The following FARP1 variants were observed in gnomAD, a reference collection of about 807,000 sequenced individuals.
The protein encoded by FARP1 is FERM, ARHGEF and pleckstrin domain-containing protein 1.
In FARP1, 52 loss-of-function variants were observed where a neutral mutation model predicts 128.8. The observed-to-expected ratio is 0.40, with a 90% CI of 0.32 to 0.51. The LOEUF is 0.51. FARP1 is among the 20% of genes least tolerant of loss of function. FARP1 has a pLI of 0.45. For synonymous variants in FARP1, 580 were observed against 551.8 expected, an observed-to-expected ratio of 1.05 and a Z score of -0.72; for missense variants, 1,333 against 1,367.9, an observed-to-expected ratio of 0.97 and a Z score of 0.40.
intron 20 of FARP1, 110 bp from the exon 21 acceptor site, chr13:98,438,997 C>T: frequency 7.2e-7 from 1 of 1,385,824 alleles, no homozygotes; most frequent in Non-Finnish European, 1.0e-6. Context: ...CAGAGGTGCC[C>T]AGGCCCAAGT....
At chr13:98,195,429 G>A (rs1879508870) in intron 1 of FARP1, among the ~76,000 whole-genome samples, 1 of 152,164 alleles carries the variant, frequency 6.6e-6, no homozygotes, top group Admixed American at 6.5e-5. Context: ...TACTGCGTGT[G>A]TGTCTCAGTA....
At position 98,448,457 on chromosome 13, in the gene FARP1, C is replaced by T. The variant is rs1227662259; in HGVS notation, c.*140C>T. The stretch of plus-strand genomic sequence containing the variant: ...CCCAGCAGCTCTCCTGTCTCCACAG[C>T]CGCGTTTTTTAACCCCGACCTCTCA... On this transcript the variant is annotated 3_prime_UTR_variant, in exon 27 of 27. Transcript: ENST00000319562. The T allele has an allele frequency of 2.8e-6, 2 of 704,840 alleles. No individual in the cohort carries two copies. Among genetic ancestry groups the T allele is most frequent in the Non-Finnish European group, 4.9e-6 (2 of 408,006 alleles). 43.7% of individuals were successfully genotyped at this position (704,840 alleles called of 1,614,324 possible).
At chr13:98,442,088 T>C (rs1892547455) in intron 24 of FARP1, among the ~76,000 whole-genome samples, 1 of 152,224 alleles carries the variant, frequency 6.6e-6, no homozygotes, top group African/African-American at 2.4e-5. Context: ...TGTGATTGTG[T>C]TTTATGTGAA....
chr13:98,311,907 G>A (rs952182019), intron 2 of FARP1, among the ~76,000 whole-genome samples: 3 of 150,588 alleles, frequency 2.0e-5, no homozygotes, highest in South Asian at 2.1e-4. Context: ...ATAGTGGCAC[G>A]ATCTTGGCTC....
chr13:98,200,844 T>C (rs558729114), intron 1 of FARP1, among the ~76,000 whole-genome samples: 1 of 152,306 alleles, frequency 6.6e-6, no homozygotes, highest in African/African-American at 2.4e-5. Context: ...TGGGACTGGC[T>C]AGAGAAGTGT....
At position 98,393,629 on chromosome 13, in the gene FARP1, G is replaced by A. The variant is rs1270924972; in HGVS notation, c.1089-14G>A. 1 of 1,608,008 alleles carries A rather than the reference G, an allele frequency of 6.2e-7. No individual in the cohort carries two copies. Among genetic ancestry groups the A allele is most frequent in the African/African-American group, 1.3e-5 (1 of 74,792 alleles). ...CCTCACCTAACTTTAATGATCTTGTGTGATTTTTCCCAGGAAGCACAGCAA... is the reference window on the plus strand; with the variant it reads ...CCTCACCTAACTTTAATGATCTTGTATGATTTTTCCCAGGAAGCACAGCAA... On this transcript the variant is annotated splice_polypyrimidine_tract_variant and intron_variant, in intron 11 of 26. Coordinates refer to ENST00000319562, the MANE Select transcript of FARP1 (RefSeq NM_005766.4).
At chr13:98,446,534 G>A in intron 25 of FARP1, 132 bp from the exon 26 acceptor site, 1 of 892,024 alleles carries the variant, frequency 1.1e-6, no homozygotes, top group Non-Finnish European at 1.8e-6. Flanking sequence ...GGCTGCCATG[G>A]TCCCTTCCAG....
At chr13:98,221,634 C>T (rs773535627) in intron 2 of FARP1, among the ~76,000 whole-genome samples, 7 of 152,288 alleles carry the variant, frequency 4.6e-5, no homozygotes, top group South Asian at 4.2e-4. Flanking sequence ...TTGCACTTTG[C>T]GCTCAGAAAT....
In FARP1 at chr13:98,435,622, G is replaced by T; in HGVS notation, c.2190G>T (p.Thr730=). 2 of 1,614,006 alleles carry T rather than the reference G, an allele frequency of 1.2e-6. No individual in the cohort carries two copies. The highest frequency in any genetic ancestry group is 2.2e-5 in the South Asian group (2 of 91,072). ...AGATGGTGGCACAGCTCCACGGTAC[G>T]ATGATCAAGATGGAGAATTTCCAGA... is the stretch of plus-strand genomic sequence containing the variant. ...ITEMVAQLHG[T]MIKMENFQKL... is the part of the protein sequence containing the mutation. The change falls in exon 19 of 27, where the codon ACG becomes ACT. Residue 730 remains threonine (T), a synonymous_variant. Transcript: ENST00000319562.
At position 98,449,557 on chromosome 13, in the gene FARP1, GCACCTGCC is replaced by G. The variant is rs553542990; in HGVS notation, c.*1247_*1254del. The G allele has an allele frequency of 2.0e-5, 3 of 152,722 alleles. No individual in the cohort carries two copies. The highest frequency in any genetic ancestry group is 7.2e-5 in the African/African-American group (3 of 41,538). The allele number at this position is 152,722 out of a possible 1,614,324, so 9.5% of individuals were successfully genotyped here. A position where few individuals can be genotyped will look rare whatever the true frequency, so the allele number is the denominator to read the frequency against. The stretch of plus-strand genomic sequence containing the variant: ...ATTCTTTCCAGCGCCCCGCACCATA[GCACCTGCC>G]CACCTGAGAACCAGGAACGCACCCT... On this transcript the variant is annotated 3_prime_UTR_variant, in exon 27 of 27. Coordinates refer to ENST00000319562, the MANE Select transcript of FARP1 (RefSeq NM_005766.4).
intron 16 of FARP1, among the ~76,000 whole-genome samples, chr13:98,422,879 C>T (rs1891643820): frequency 1.3e-5 from 2 of 152,132 alleles, no homozygotes; most frequent in Admixed American, 1.3e-4. Flanking sequence ...AGTCAGGGTT[C>T]TCTAGAGGGA....
Position 98,176,795 on chromosome 13 carries a change from G to A in FARP1, c.-24+33303G>A. 4 of 1,613,630 alleles carry A rather than the reference G, an allele frequency of 2.5e-6. No homozygotes were observed. Among genetic ancestry groups the A allele is most frequent in the African/African-American group, 1.3e-5 (1 of 74,992 alleles). ...TACCTCAGGTAGCTGTGGATTCCCCGGTAGATGTGGTCGTGCTCCCGACCC... is the reference window on the plus strand; with the variant it reads ...TACCTCAGGTAGCTGTGGATTCCCCAGTAGATGTGGTCGTGCTCCCGACCC... On this transcript the variant is annotated intron_variant, in intron 1 of 26. Transcript: ENST00000319562. This position sits in a 1 kb window ranked among gnomAD's most constrained non-coding sequence, Gnocchi z 6.2.
intron 1 of FARP1, among the ~76,000 whole-genome samples, chr13:98,171,413 G>A (rs1877644945): frequency 6.6e-6 from 1 of 152,128 alleles, no homozygotes; most frequent in South Asian, 2.1e-4. Flanking sequence ...GGACTATTTT[G>A]TTGGAATTCT....
At chr13:98,189,761 TATTTTCA>T (rs1879106206) in intron 1 of FARP1, among the ~76,000 whole-genome samples, 1 of 152,260 alleles carries the variant, frequency 6.6e-6, no homozygotes, top group African/African-American at 2.4e-5. Context: ...TTTGCATTTT[TATTTTCA>T]GTTTCCCAGG....
At chr13:98,269,475 C>T (rs1359307074) in intron 2 of FARP1, among the ~76,000 whole-genome samples, 3 of 152,340 alleles carry the variant, frequency 2.0e-5, no homozygotes, top group Admixed American at 6.5e-5. Context: ...GTACTGTGTT[C>T]TAAGCCATTT....
At chr13:98,385,425 A>AG (rs1890058338) in intron 7 of FARP1, among the ~76,000 whole-genome samples, 2 of 151,090 alleles carry the variant, frequency 1.3e-5, no homozygotes, top group Non-Finnish European at 2.9e-5. Flanking sequence ...AACAAAAAAA[A>AG]CAAAAACTGG....
At chr13:98,245,447 A>ACTTCGTAT in intron 2 of FARP1, 3 of 552,848 alleles carry the variant, frequency 5.4e-6, no homozygotes, top group South Asian at 7.9e-5. Flanking sequence ...CAACTAAGTA[A>ACTTCGTAT]TACGAAGTGA....
At chr13:98,249,689 C>T (rs1342443862) in intron 2 of FARP1, among the ~76,000 whole-genome samples, 1 of 152,086 alleles carries the variant, frequency 6.6e-6, no homozygotes, top group Non-Finnish European at 1.5e-5. Flanking sequence ...AGGAAGGTAA[C>T]AAGATGTACA....
chr13:98,430,488 C>G (rs1203095300), intron 17 of FARP1, among the ~76,000 whole-genome samples: 1 of 152,192 alleles, frequency 6.6e-6, no homozygotes, highest in East Asian at 1.9e-4. Context: ...CTTACTCTGT[C>G]CCCATCCCCA....
Sources: allele counts gnomAD v4.1 joint callset (sites outside exome capture counted in the v4.1 genomes callset), GRCh38; gene constraint gnomAD v4.1.1; non-coding constraint Gnocchi (gnomAD v3.1); transcripts MANE v1.5; gene names NCBI Gene and HGNC (gene_info 2026-07-23, HGNC 2026-07-21).